GRID2: variants seen among roughly 807,000 people sequenced by gnomAD.
GRID2 encodes the protein glutamate receptor ionotropic, delta-2.
A neutral mutation model predicts 114.8 loss-of-function variants in GRID2; 33 were observed. The ratio of observed to expected loss-of-function variants is 0.29; its 90% CI spans 0.22 to 0.38. The LOEUF (loss-of-function observed/expected upper bound fraction) is 0.38. GRID2 is among the 10% of genes least tolerant of loss of function. The pLI is 1.00. For synonymous variants in GRID2, 505 were observed against 449.9 expected (o/e 1.12, Z -1.55); for missense variants, 1,184 against 1,257.7 (o/e 0.94, Z 0.89).
At position 93,626,359 on chromosome 4, in the gene GRID2, G is replaced by A. The variant is rs756814391; in HGVS notation, c.2284G>A (p.Gly762Arg). 1.2e-6 allele frequency: 2 copies of A among 1,606,972 alleles called. No homozygotes were observed. Among genetic ancestry groups the A allele is most frequent in the Non-Finnish European group, 1.7e-6 (2 of 1,173,906 alleles). Reference protein sequence around the residue: ...NDPDCSFYTIGNTVADRGYGI... With the variant: ...NDPDCSFYTIRNTVADRGYGI... ...CCCAGATTGTTCCTTTTACACCATT[G>A]GAAATACTGTTGCTGATCGGGGATA... The change falls in exon 14 of 16, where the codon GGA becomes AGA. Residue 762 changes from glycine (G) to arginine (R), a missense_variant. By Grantham distance (125) the Gly-to-Arg change is moderately radical. Coordinates refer to ENST00000282020, the MANE Select transcript of GRID2 (RefSeq NM_001510.4).
At chr4:92,766,368 C>G (rs1205374001) in intron 2 of GRID2, among the ~76,000 whole-genome samples, 1 of 151,952 alleles carries the variant, frequency 6.6e-6, no homozygotes. Flanking sequence ...GAAACCCCGT[C>G]TCTACCAAAA....
intron 2 of GRID2, among the ~76,000 whole-genome samples, chr4:92,660,921 T>C (rs1165546497): frequency 6.6e-6 from 1 of 151,130 alleles, no homozygotes; most frequent in Non-Finnish European, 1.5e-5. Context: ...ATTTTATGAT[T>C]AGAAATAATA....
intron 4 of GRID2, among the ~76,000 whole-genome samples, chr4:93,204,601 T>A (rs1230793813): frequency 6.6e-6 from 1 of 152,200 alleles, no homozygotes; most frequent in Non-Finnish European, 1.5e-5. Context: ...TTTGTCTTTC[T>A]TCTTCACTGA....
intron 12 of GRID2, among the ~76,000 whole-genome samples, chr4:93,507,822 G>T (rs556097934): frequency 1.6e-4 from 25 of 152,056 alleles, no homozygotes; most frequent in Admixed American, 3.3e-4. Context: ...CTTTTTATTT[G>T]CCTTGCCTCT....
At chr4:93,527,175 C>T (rs1730994145) in intron 13 of GRID2, among the ~76,000 whole-genome samples, 1 of 152,140 alleles carries the variant, frequency 6.6e-6, no homozygotes, top group Non-Finnish European at 1.5e-5. Flanking sequence ...ACATAAATGC[C>T]ATGACTATTA....
At chr4:93,428,534 A>G (rs1446170592) in intron 10 of GRID2, among the ~76,000 whole-genome samples, 1 of 152,152 alleles carries the variant, frequency 6.6e-6, no homozygotes, top group African/African-American at 2.4e-5. Context: ...TTTAAAAAGG[A>G]TTGTAATTTT....
At chr4:93,624,919 G>C (rs947476307) in intron 13 of GRID2, among the ~76,000 whole-genome samples, 3 of 152,080 alleles carry the variant, frequency 2.0e-5, no homozygotes, top group Non-Finnish European at 4.4e-5. Context: ...GTAAAGTTGT[G>C]TTCCTTAAGT....
chr4:92,335,933 T>C lies in GRID2; in HGVS notation c.88+31189T>C, dbSNP rs541283818. Among the ~76,000 whole-genome samples the C allele has an allele frequency of 1.2e-4, 19 of 152,310 alleles. No individual in the cohort carries two copies. The East Asian group carries it at 1.9e-3, about 15-fold the overall frequency. ...AGGAAAGTCACTGTTTTTTACTTTA[T>C]TTTATGAGGACAAAATTTATGTGTA... On this transcript the variant is annotated intron_variant, in intron 1 of 15. Coordinates refer to ENST00000282020, the MANE Select transcript of GRID2 (RefSeq NM_001510.4).
At chr4:92,683,673 T>TA (rs570322735) in intron 2 of GRID2, among the ~76,000 whole-genome samples, 16 of 151,086 alleles carry the variant, frequency 1.1e-4, no homozygotes, top group Non-Finnish European at 2.1e-4. Flanking sequence ...TATTTTATAT[T>TA]AAAAAAATAC....
chr4:93,332,690 G>A (rs968763515), intron 8 of GRID2, among the ~76,000 whole-genome samples: 1 of 152,042 alleles, frequency 6.6e-6, no homozygotes, highest in Non-Finnish European at 1.5e-5. Flanking sequence ...TTAGTTAAGA[G>A]GCATAGGAAT....
chr4:92,636,704 A>C (rs1179275508), intron 2 of GRID2, among the ~76,000 whole-genome samples: 3 of 152,038 alleles, frequency 2.0e-5, no homozygotes, highest in Admixed American at 2.0e-4. Flanking sequence ...GCAGCTCTGT[A>C]AAGTGTGTGA....
At chr4:93,800,711 A>G (rs759274561) in intron 1 of GRID2, among the ~76,000 whole-genome samples, 4 of 152,226 alleles carry the variant, frequency 2.6e-5, no homozygotes, top group Non-Finnish European at 5.9e-5. Flanking sequence ...GAGACATTAT[A>G]GTGATGAAAG....
chr4:92,578,893 G>A (rs905398516), intron 1 of GRID2, among the ~76,000 whole-genome samples: 6 of 151,952 alleles, frequency 3.9e-5, no homozygotes, highest in African/African-American at 1.5e-4. Context: ...AATGCACATC[G>A]AGGTCACTGT....
rs185061323 is a variant in GRID2 at position 93,437,571 on chromosome 4, G to A, written c.1545+14603G>A. On this transcript the variant is annotated intron_variant, in intron 10 of 15. Coordinates refer to ENST00000282020, the MANE Select transcript of GRID2 (RefSeq NM_001510.4). ...GATTACATAGAGAAAGATTTGGGGT[G>A]AGATGTAAAAGATTTGCATTTCTAA... 6.6e-5 allele frequency among the ~76,000 whole-genome samples: 10 copies of A among 152,178 alleles called. No individual in the cohort carries two copies. In the East Asian group the frequency reaches 1.9e-3, roughly 30 times the overall value.
chr4:92,334,902 T>A (rs1189925544), intron 1 of GRID2, among the ~76,000 whole-genome samples: 2 of 152,258 alleles, frequency 1.3e-5, no homozygotes, highest in African/African-American at 2.4e-5. Flanking sequence ...TTGATAGTAC[T>A]GTGAACCTCT....
chr4:93,263,121 T>C (rs771756118), intron 8 of GRID2, among the ~76,000 whole-genome samples: 2 of 152,018 alleles, frequency 1.3e-5, no homozygotes, highest in African/African-American at 2.4e-5. Context: ...TTCTCTCATT[T>C]ATATTTTAAA....
chr4:92,434,945 A>G (rs1260217066), intron 1 of GRID2, among the ~76,000 whole-genome samples: 1 of 152,206 alleles, frequency 6.6e-6, no homozygotes, highest in African/African-American at 2.4e-5. Context: ...TCACATGGGA[A>G]TGGAATTCAA....
chr4:93,208,458 A>T (rs767883000), intron 5 of GRID2, among the ~76,000 whole-genome samples: 3 of 151,956 alleles, frequency 2.0e-5, no homozygotes, highest in Admixed American at 6.6e-5. Flanking sequence ...GACACACAAG[A>T]ATGGTACTGC....
intron 12 of GRID2, among the ~76,000 whole-genome samples, chr4:93,494,512 A>G (rs959122196): frequency 6.6e-6 from 1 of 151,886 alleles, no homozygotes; most frequent in African/African-American, 2.4e-5. Context: ...AAAATTAGAT[A>G]TCTATGGGCA....
Sources: gnomAD v4.1 joint callset for allele counts (sites outside exome capture counted in the v4.1 genomes callset) on GRCh38, gnomAD v4.1.1 for gene constraint, MANE v1.5 for transcripts, NCBI Gene and HGNC (gene_info 2026-07-23, HGNC 2026-07-21) for gene names.